Variants in CDKAL1 observed in about 807,000 individuals in gnomAD.
The protein encoded by CDKAL1 is threonylcarbamoyladenosine tRNA methylthiotransferase.
CDKAL1 carries 32 observed loss-of-function variants against 68.2 expected under a neutral mutation model. The observed-to-expected ratio is 0.47, with a 90% CI of 0.35 to 0.63. The LOEUF (loss-of-function observed/expected upper bound fraction) is 0.63, where lower values mean the gene tolerates loss of function less well. Among genes scored for constraint, CDKAL1 ranks in the 30% least tolerant of loss-of-function variants. The probability of loss-of-function intolerance (pLI) is 0.00; values close to 1 mark genes in which losing one functional copy is unlikely to be tolerated. For missense variants in CDKAL1, 606 were observed against 696.7 expected, an observed-to-expected ratio of 0.87 and a Z score of 1.47; for synonymous variants, 234 against 244.3, an observed-to-expected ratio of 0.96 and a Z score of 0.39.
At chr6:21,123,470 C>CA (rs1251967005) in intron 13 of CDKAL1, among the ~76,000 whole-genome samples, 2 of 151,816 alleles carry the variant, frequency 1.3e-5, no homozygotes, top group African/African-American at 2.4e-5. Flanking sequence ...CAAAACAAAA[C>CA]AAAAAAACAG....
chr6:20,584,265 A>C (rs1276141201), intron 4 of CDKAL1, among the ~76,000 whole-genome samples: 2 of 152,094 alleles, frequency 1.3e-5, no homozygotes, highest in Non-Finnish European at 2.9e-5. Flanking sequence ...AGTCTCACAC[A>C]GGAGTCCGGT....
intron 9 of CDKAL1, among the ~76,000 whole-genome samples, chr6:20,947,901 C>T (rs1441963824): frequency 6.6e-6 from 1 of 151,894 alleles, no homozygotes; most frequent in Non-Finnish European, 1.5e-5. Flanking sequence ...CTAAGTTGAG[C>T]CATTGTAAGT....
At chr6:21,179,082 C>T (rs192711153) in intron 13 of CDKAL1, among the ~76,000 whole-genome samples, 25 of 152,362 alleles carry the variant, frequency 1.6e-4, no homozygotes, top group African/African-American at 3.8e-4. Flanking sequence ...CAGCAAGTGA[C>T]GTGCTCATTG....
chr6:20,878,188 T>G (rs1231506886), intron 9 of CDKAL1, among the ~76,000 whole-genome samples: 1 of 152,222 alleles, frequency 6.6e-6, no homozygotes, highest in Non-Finnish European at 1.5e-5. Flanking sequence ...TGATTTTATC[T>G]GTATACCATT....
intron 6 of CDKAL1, chr6:20,756,152 C>G (rs980078302): frequency 6.6e-6 from 1 of 152,174 alleles, no homozygotes; most frequent in African/African-American, 2.4e-5. Flanking sequence ...TGCTCCATCA[C>G]TTGTTTTTCA....
At chr6:20,645,763 T>TA (rs1768420608) in intron 4 of CDKAL1, among the ~76,000 whole-genome samples, 1 of 124,478 alleles carries the variant, frequency 8.0e-6, no homozygotes, top group Non-Finnish European at 1.8e-5. Context: ...TAAAAATAAA[T>TA]AAATAATTTT....
intron 9 of CDKAL1, among the ~76,000 whole-genome samples, chr6:20,851,570 C>T (rs1275868809): frequency 6.6e-6 from 1 of 151,974 alleles, no homozygotes; most frequent in African/African-American, 2.4e-5. Flanking sequence ...TACTTTTTGG[C>T]TCCCTCATAA....
chr6:20,964,952 G>T (rs1765230671), intron 10 of CDKAL1, among the ~76,000 whole-genome samples: 1 of 152,144 alleles, frequency 6.6e-6, no homozygotes, highest in Non-Finnish European at 1.5e-5. Context: ...GAGAGGAAAA[G>T]AACATAGGGA....
chr6:20,687,259 T>G (rs1302925875), intron 5 of CDKAL1, among the ~76,000 whole-genome samples: 1 of 151,888 alleles, frequency 6.6e-6, no homozygotes, highest in Non-Finnish European at 1.5e-5. Context: ...TTGTCATAAT[T>G]AAAAAAAATA....
Position 20,548,620 on chromosome 6 carries a change from G to A in CDKAL1, c.201G>A (p.Trp67Ter), listed in dbSNP as rs1763697230. 1 of 1,579,408 alleles carries A rather than the reference G, an allele frequency of 6.3e-7. No homozygotes were observed. The highest frequency in any genetic ancestry group is 1.1e-5 in the South Asian group (1 of 89,556). ...DSTIPGIQKI[W>*]IRTWGCSHNN... ...CTATTCCAGGCATACAGAAAATTTG[G>A]ATACGAACATGGGGTTGTTCTCATA... Residue 67 changes from tryptophan to a stop codon, truncating the protein, a stop_gained, in exon 4 of 16, where the codon TGG becomes TGA. Transcript: ENST00000274695. LOFTEE classifies it high-confidence loss of function.
intron 9 of CDKAL1, among the ~76,000 whole-genome samples, chr6:20,893,207 T>A (rs947151707): frequency 8.5e-5 from 13 of 152,176 alleles, no homozygotes; most frequent in African/African-American, 3.1e-4. Flanking sequence ...ATGTACTAAT[T>A]CTTTGGGGTT....
chr6:20,551,825 G>T lies in CDKAL1; in HGVS notation c.286+3120G>T, dbSNP rs1402165293. On this transcript the variant is annotated intron_variant, in intron 4 of 15. Transcript: ENST00000274695. ...CATTAGTAATTTTTAGTATAATTTA[G>T]CCTGGGCTTGCCTTACCATATTCTG... is the stretch of plus-strand genomic sequence containing the variant. Among the ~76,000 whole-genome samples, 3 of 151,946 alleles carry T rather than the reference G, an allele frequency of 2.0e-5. No homozygotes were observed. The East Asian group carries it at 5.8e-4, about 29-fold the overall frequency.
intron 6 of CDKAL1, among the ~76,000 whole-genome samples, chr6:20,757,153 G>A (rs1298054145): frequency 3.3e-5 from 5 of 151,932 alleles, no homozygotes; most frequent in Admixed American, 1.3e-4. Flanking sequence ...GGCTGGTCTC[G>A]AACTCCTGAC....
chr6:21,132,983 T>C (rs1775407421), intron 13 of CDKAL1, among the ~76,000 whole-genome samples: 1 of 152,210 alleles, frequency 6.6e-6, no homozygotes, highest in Admixed American at 6.5e-5. Flanking sequence ...GTTATTTTTA[T>C]GTAAAGCTAT....
At chr6:20,621,476 A>C (rs890328817) in intron 4 of CDKAL1, among the ~76,000 whole-genome samples, 1 of 152,084 alleles carries the variant, frequency 6.6e-6, no homozygotes, top group Non-Finnish European at 1.5e-5. Context: ...AAGTCATTAC[A>C]TGAGCTTGCA....
At chr6:20,676,760 A>C (rs928132738) in intron 5 of CDKAL1, among the ~76,000 whole-genome samples, 1 of 152,108 alleles carries the variant, frequency 6.6e-6, no homozygotes, top group Admixed American at 6.5e-5. Flanking sequence ...TTGGATATAC[A>C]ATACTTACTA....
intron 11 of CDKAL1, among the ~76,000 whole-genome samples, chr6:21,025,991 T>C (rs1336688890): frequency 1.3e-5 from 2 of 152,194 alleles, no homozygotes; most frequent in Non-Finnish European, 2.9e-5. Context: ...GTCTGGTCCA[T>C]ATAATTTATC....
chr6:20,667,475 A>G (rs58256980), intron 5 of CDKAL1, among the ~76,000 whole-genome samples: 8,364 of 146,630 alleles, frequency 0.057, 762 homozygotes, highest in African/African-American at 0.19. Flanking sequence ...TCTGTATCTT[A>G]TTTTACACCC....
chr6:20,952,393 G>T (rs1764578530), intron 9 of CDKAL1, among the ~76,000 whole-genome samples: 1 of 152,140 alleles, frequency 6.6e-6, no homozygotes, highest in South Asian at 2.1e-4. Flanking sequence ...CTTCATTTTG[G>T]TCTAAGGCTG....
Sources: gnomAD v4.1 joint callset for allele counts (sites outside exome capture counted in the v4.1 genomes callset) on GRCh38, gnomAD v4.1.1 for gene constraint, MANE v1.5 for transcripts, NCBI Gene and HGNC (gene_info 2026-07-23, HGNC 2026-07-21) for gene names.